Variants in RIPOR2 observed in about 807,000 individuals in gnomAD.
RIPOR2 encodes the protein rho family-interacting cell polarization regulator 2.
In RIPOR2, 39 loss-of-function variants were observed where a neutral mutation model predicts 114.5. The observed-to-expected ratio is 0.34, with a 90% CI of 0.26 to 0.44. The LOEUF is 0.44. Among genes scored for constraint, RIPOR2 ranks in the 20% least tolerant of loss-of-function variants. The probability of loss-of-function intolerance (pLI) is 1.00; values close to 1 mark genes in which losing one functional copy is unlikely to be tolerated. For synonymous variants in RIPOR2, 445 were observed against 484.4 expected (o/e 0.92, Z 1.07); for missense variants, 1,007 against 1,255.1 (o/e 0.80, Z 2.99).
At chr6:24,857,980 C>T (rs1236199889) in intron 8 of RIPOR2, among the ~76,000 whole-genome samples, 1 of 152,188 alleles carries the variant, frequency 6.6e-6, no homozygotes, top group Non-Finnish European at 1.5e-5. Flanking sequence ...CACCTCTGAA[C>T]AGGCTTTCCT....
chr6:25,003,840 C>T (rs1286065078), intron 1 of RIPOR2, among the ~76,000 whole-genome samples: 1 of 152,202 alleles, frequency 6.6e-6, no homozygotes, highest in Admixed American at 6.5e-5. Context: ...GTGCAAACTT[C>T]AGATACTTAC....
Position 24,883,285 on chromosome 6 carries a change from A to G in RIPOR2, c.62-7468T>C, listed in dbSNP as rs1766517910. Among the ~76,000 whole-genome samples the G allele has an allele frequency of 6.6e-6, 1 of 152,220 alleles. No individual in the cohort carries two copies. The highest frequency in any genetic ancestry group is 1.5e-5 in the Non-Finnish European group (1 of 68,034). On this transcript the variant is annotated intron_variant, in intron 1 of 21. Coordinates refer to ENST00000643898, the MANE Select transcript of RIPOR2 (RefSeq NM_001286445.3). The surrounding 1 kb of genome is among the most constrained non-coding windows in gnomAD (Gnocchi z 4.1). ...CATTTCTCATGGGGGCCAAACGTCA[A>G]CTTGGAAACCAATAGTTGTCACACT...
intron 1 of RIPOR2, among the ~76,000 whole-genome samples, chr6:24,904,541 GC>G (rs1005691329): frequency 6.6e-6 from 1 of 152,210 alleles, no homozygotes; most frequent in Non-Finnish European, 1.5e-5. Flanking sequence ...AGTCCCTTTT[GC>G]CATGTAGGGC....
chr6:24,860,528 C>G (rs1323940424), intron 8 of RIPOR2, among the ~76,000 whole-genome samples: 1 of 152,146 alleles, frequency 6.6e-6, no homozygotes, highest in Non-Finnish European at 1.5e-5. Flanking sequence ...GAAAACGTGA[C>G]AGTACTTGGC....
chr6:24,920,195 T>C (rs1009807210), intron 1 of RIPOR2, among the ~76,000 whole-genome samples: 12 of 152,234 alleles, frequency 7.9e-5, no homozygotes, highest in African/African-American at 2.7e-4. Flanking sequence ...CTGGGGCTGA[T>C]TGCTTGCCAG....
intron 1 of RIPOR2, among the ~76,000 whole-genome samples, chr6:25,020,504 C>T (rs1776267474): frequency 6.6e-6 from 1 of 152,184 alleles, no homozygotes; most frequent in South Asian, 2.1e-4. Context: ...ATGAGAGCAT[C>T]AACATAGATT....
In RIPOR2 at chr6:24,839,790, T is replaced by C. The variant is rs913755827; in HGVS notation, c.1858-518A>G. The C allele has an allele frequency of 2.9e-6, 4 of 1,373,214 alleles. No homozygotes were observed. The African/African-American group carries it at 6.0e-5, about 21-fold the overall frequency. The allele number at this position is 1,373,214 out of a possible 1,614,324, so 85.1% of individuals were successfully genotyped here. Reference sequence around the variant, plus strand: ...ATGCTGAATACTGACCAATCTCTAATTCCAAGTGGCAATGTCTTCGGTGTT... The same window carrying C: ...ATGCTGAATACTGACCAATCTCTAACTCCAAGTGGCAATGTCTTCGGTGTT... On this transcript the variant is annotated intron_variant, in intron 13 of 21. Coordinates refer to ENST00000643898, the MANE Select transcript of RIPOR2 (RefSeq NM_001286445.3).
intron 1 of RIPOR2, chr6:25,023,542 A>G (rs1209622612): frequency 2.6e-6 from 2 of 773,536 alleles, no homozygotes; most frequent in African/African-American, 3.4e-5. Flanking sequence ...CCAGCTCAGC[A>G]AATTTCAAGC....
chr6:24,839,858 C>T, intron 13 of RIPOR2: 1 of 1,155,598 alleles, frequency 8.7e-7, no homozygotes, highest in East Asian at 4.2e-5. Context: ...CTCTAAAGGA[C>T]TAACAAAACA....
chr6:24,865,594 C>A, intron 6 of RIPOR2, 144 bp from the exon 7 acceptor site: 1 of 662,580 alleles, frequency 1.5e-6, no homozygotes, highest in Non-Finnish European at 2.3e-6. Flanking sequence ...AGATAGGGAC[C>A]AATCGTTTTT....
chr6:24,889,820 A>AT (rs535095765), intron 1 of RIPOR2, among the ~76,000 whole-genome samples: 2 of 152,228 alleles, frequency 1.3e-5, no homozygotes, highest in East Asian at 3.9e-4. Context: ...TTCTCTGATA[A>AT]TTTTACCTTG....
At chr6:24,963,059 CAG>C (rs959101038) in intron 1 of RIPOR2, among the ~76,000 whole-genome samples, 4 of 152,088 alleles carry the variant, frequency 2.6e-5, no homozygotes, top group Admixed American at 6.6e-5. Context: ...TTTTTTGAGA[CAG>C]AGTTTCGCTA....
At chr6:25,034,086 A>G (rs977044676) in intron 1 of RIPOR2, among the ~76,000 whole-genome samples, 2 of 107,170 alleles carry the variant, frequency 1.9e-5, no homozygotes, top group African/African-American at 9.8e-5. Flanking sequence ...AAACTACAAA[A>G]AGGTTTTATA....
At position 24,870,883 on chromosome 6, in the gene RIPOR2, G is replaced by A. The variant is rs1396321848; in HGVS notation, c.430C>T (p.Leu144=). 13 of 1,596,440 alleles carry A rather than the reference G, an allele frequency of 8.1e-6. No individual in the cohort carries two copies. Among genetic ancestry groups the A allele is most frequent in the Non-Finnish European group, 1.0e-5 (12 of 1,171,398 alleles). The change falls in exon 5 of 22, where the codon CTG becomes TTG. Residue 144 remains leucine (L), a synonymous_variant. Coordinates refer to ENST00000643898, the MANE Select transcript of RIPOR2 (RefSeq NM_001286445.3). ...CAACTTACCTTGTCTAGGTCATACA[G>A]TACACCCTACAATAAAAAAAGGAAT... The part of the protein sequence containing the change: ...DMKRNSRLGV[L]YDLDKQIKTI...
At chr6:25,004,047 C>T (rs1029349789) in intron 1 of RIPOR2, among the ~76,000 whole-genome samples, 2 of 152,076 alleles carry the variant, frequency 1.3e-5, no homozygotes, top group African/African-American at 4.8e-5. Context: ...TTGAGCAGCC[C>T]ACAGTGAAAA....
intron 1 of RIPOR2, among the ~76,000 whole-genome samples, chr6:24,917,486 C>T (rs1202292759): frequency 2.0e-5 from 3 of 152,180 alleles, no homozygotes; most frequent in East Asian, 1.9e-4. Flanking sequence ...TCAATATCTA[C>T]GTGTAAGCAC....
At chr6:24,839,956 T>A in intron 13 of RIPOR2, 1 of 946,414 alleles carries the variant, frequency 1.1e-6, no homozygotes, top group Non-Finnish European at 1.3e-6. Flanking sequence ...TTTTTTTTTT[T>A]TTTTTTTTTT....
At chr6:25,030,854 A>G (rs987205044) in intron 1 of RIPOR2, among the ~76,000 whole-genome samples, 1 of 152,012 alleles carries the variant, frequency 6.6e-6, no homozygotes, top group Non-Finnish European at 1.5e-5. Context: ...ATATACCACC[A>G]TGCCCGGCTA....
intron 16 of RIPOR2, 71 bp from the exon 17 acceptor site, chr6:24,830,741 A>C: frequency 6.9e-7 from 1 of 1,450,796 alleles, no homozygotes; most frequent in South Asian, 1.4e-5. Flanking sequence ...TTTGAGACAG[A>C]GTCTTGCTTT....
Sources: gnomAD v4.1 joint callset for allele counts (sites outside exome capture counted in the v4.1 genomes callset) on GRCh38, gnomAD v4.1.1 for gene constraint, Gnocchi (gnomAD v3.1) non-coding constraint, MANE v1.5 for transcripts, NCBI Gene and HGNC (gene_info 2026-07-23, HGNC 2026-07-21) for gene names.